PXDNL: variants seen among roughly 807,000 people sequenced by gnomAD.
The protein encoded by PXDNL is probable oxidoreductase PXDNL.
A neutral mutation model predicts 150.8 loss-of-function variants in PXDNL; 145 were observed. The ratio of observed to expected loss-of-function variants is 0.96; its 90% CI spans 0.84 to 1.10. The LOEUF is 1.10. PXDNL is among the 50% of genes least tolerant of loss of function. The pLI is 0.00. For synonymous variants in PXDNL, 757 were observed against 725.7 expected (o/e 1.04, Z -0.69); for missense variants, 2,087 against 1,873.9 (o/e 1.11, Z -2.10).
chr8:51,505,705 C>T (rs1334263241), intron 4 of PXDNL, among the ~76,000 whole-genome samples: 1 of 152,182 alleles, frequency 6.6e-6, no homozygotes, highest in Non-Finnish European at 1.5e-5. Flanking sequence ...GAATCTGAAG[C>T]TTGCAATACA....
chr8:51,329,632 T>C (rs749032454), intron 21 of PXDNL, among the ~76,000 whole-genome samples: 10 of 152,088 alleles, frequency 6.6e-5, no homozygotes, highest in Non-Finnish European at 1.3e-4. Context: ...ATGACCCTAG[T>C]AGAAAAAGTA....
intron 20 of PXDNL, among the ~76,000 whole-genome samples, chr8:51,341,420 C>T (rs761856297): frequency 6.6e-5 from 10 of 151,714 alleles, no homozygotes; most frequent in African/African-American, 1.7e-4. Context: ...TTTTTTTTCA[C>T]GTGTGCATGT....
intron 1 of PXDNL, among the ~76,000 whole-genome samples, chr8:51,724,904 C>A (rs1816795748): frequency 6.6e-6 from 1 of 152,176 alleles, no homozygotes; most frequent in Non-Finnish European, 1.5e-5. Flanking sequence ...GGAACTACCC[C>A]CTAATTGCTC....
At chr8:51,660,608 A>C (rs1379843941) in intron 1 of PXDNL, among the ~76,000 whole-genome samples, 1 of 152,158 alleles carries the variant, frequency 6.6e-6, no homozygotes, top group African/African-American at 2.4e-5. Context: ...CCTGAGAAAA[A>C]GATCAACCAG....
chr8:51,487,868 A>C (rs1447280836), intron 5 of PXDNL, among the ~76,000 whole-genome samples: 1 of 152,214 alleles, frequency 6.6e-6, no homozygotes, highest in Non-Finnish European at 1.5e-5. Flanking sequence ...TGAATGTAAC[A>C]CAAAGGCGCT....
intron 4 of PXDNL, among the ~76,000 whole-genome samples, chr8:51,515,156 G>A (rs1231680454): frequency 6.6e-6 from 1 of 152,206 alleles, no homozygotes; most frequent in African/African-American, 2.4e-5. Context: ...GCTGAGGAGG[G>A]AAGGGGGCAA....
intron 1 of PXDNL, among the ~76,000 whole-genome samples, chr8:51,744,395 C>T (rs1188986724): frequency 3.3e-5 from 5 of 150,344 alleles, no homozygotes; most frequent in Admixed American, 6.6e-5. Flanking sequence ...AGGCTGGGCA[C>T]GGTGGCTCAC....
chr8:51,370,374 C>T (rs1410065790), intron 19 of PXDNL, among the ~76,000 whole-genome samples: 4 of 152,168 alleles, frequency 2.6e-5, no homozygotes, highest in African/African-American at 9.7e-5. Context: ...GCCCTATGTC[C>T]CATCCCAGGG....
intron 12 of PXDNL, among the ~76,000 whole-genome samples, chr8:51,429,694 T>C (rs1809204737): frequency 6.7e-6 from 1 of 150,036 alleles, no homozygotes; most frequent in African/African-American, 2.4e-5. Flanking sequence ...TTTCTTTTTT[T>C]TTTTTTTTTT....
At chr8:51,346,227 TCTTA>T (rs1806153753) in intron 19 of PXDNL, among the ~76,000 whole-genome samples, 1 of 152,220 alleles carries the variant, frequency 6.6e-6, no homozygotes, top group Non-Finnish European at 1.5e-5. Context: ...TGATGCTGAA[TCTTA>T]CTTAGTAAGG....
intron 3 of PXDNL, among the ~76,000 whole-genome samples, chr8:51,564,493 G>T (rs1221235823): frequency 6.6e-6 from 1 of 151,434 alleles, no homozygotes; most frequent in Non-Finnish European, 1.5e-5. Context: ...GCTCATTAGG[G>T]AGTTTTTCCA....
Position 51,411,307 on chromosome 8 carries a change from GC to G in PXDNL, c.2004del (p.Leu669CysfsTer3), listed in dbSNP as rs1211322239. The G allele has an allele frequency of 6.3e-7, 1 of 1,578,738 alleles. No homozygotes were observed. Among genetic ancestry groups the G allele is most frequent in the Admixed American group, 1.9e-5 (1 of 52,582 alleles). On this transcript the variant is annotated frameshift_variant, in exon 16 of 23. Coordinates refer to ENST00000356297, the MANE Select transcript of PXDNL (RefSeq NM_144651.5). LOFTEE classifies it high-confidence loss of function. ...TTCACACGTTCCCGTATCAGCTGCA[GC>G]GTGTGCTCAAAAATCTCCCCTGCTC... ...MARAGEIFEH[T>X]LQLIRERVKQ...
At chr8:51,363,290 A>G (rs1330186699) in intron 19 of PXDNL, among the ~76,000 whole-genome samples, 1 of 152,102 alleles carries the variant, frequency 6.6e-6, no homozygotes, top group Non-Finnish European at 1.5e-5. Context: ...TACCTGGGGG[A>G]AGACATTAGT....
intron 3 of PXDNL, among the ~76,000 whole-genome samples, chr8:51,591,864 C>T (rs566035963): frequency 3.3e-5 from 5 of 152,296 alleles, no homozygotes; most frequent in East Asian, 1.9e-4. Context: ...GTGATCCGCC[C>T]GCCTGGGCCT....
At chr8:51,486,750 T>TTATATATATATATATATATA (rs1174441907) in intron 5 of PXDNL, among the ~76,000 whole-genome samples, 1 of 36,328 alleles carries the variant, frequency 2.8e-5, no homozygotes, top group Non-Finnish European at 4.7e-5. Context: ...GTTAAAAAGT[T>TTATATATATATATATATATA]TATATATATA....
chr8:51,525,806 G>A (rs1414543152), intron 4 of PXDNL, among the ~76,000 whole-genome samples: 1 of 152,158 alleles, frequency 6.6e-6, no homozygotes, highest in Non-Finnish European at 1.5e-5. Flanking sequence ...CAGGACCAGG[G>A]GACAGCTCGT....
chr8:51,735,523 ATTGTTTT>A (rs1817014277), intron 1 of PXDNL, among the ~76,000 whole-genome samples: 2 of 96,658 alleles, frequency 2.1e-5, no homozygotes, highest in African/African-American at 6.9e-5. Flanking sequence ...TTAATTAAAA[ATTGTTTT>A]TTTTTTTTTT....
chr8:51,325,586 C>T (rs116501313), intron 21 of PXDNL, among the ~76,000 whole-genome samples: 3,558 of 152,268 alleles, frequency 0.023, 141 homozygotes, highest in African/African-American at 0.078. Context: ...AGGGCAGCCT[C>T]ATCACCCCCT....
chr8:51,724,452 TTA>T (rs1392853310), intron 1 of PXDNL, among the ~76,000 whole-genome samples: 8 of 152,038 alleles, frequency 5.3e-5, no homozygotes, highest in Non-Finnish European at 1.5e-5. Flanking sequence ...GACATATCTG[TTA>T]TGTAAATTAG....
Sources: gnomAD v4.1 joint callset for allele counts (sites outside exome capture counted in the v4.1 genomes callset) on GRCh38, gnomAD v4.1.1 for gene constraint, MANE v1.5 for transcripts, NCBI Gene and HGNC (gene_info 2026-07-23, HGNC 2026-07-21) for gene names.